Variants in HSF2BP observed in about 807,000 individuals in gnomAD.
HSF2BP encodes the protein heat shock factor 2-binding protein.
Under a neutral mutation model 35.0 loss-of-function variants are expected in HSF2BP, and 35 were observed. The ratio of observed to expected loss-of-function variants is 1.00; its 90% CI spans 0.76 to 1.32. HSF2BP has a LOEUF of 1.32. Ranked by LOEUF, HSF2BP falls within the 40% of genes most tolerant of loss-of-function variation. The pLI, the probability that HSF2BP is intolerant of heterozygous loss-of-function variation, is 0.00. For missense variants in HSF2BP, 326 were observed against 321.7 expected (o/e 1.01, Z -0.10); for synonymous variants, 114 against 117.4 (o/e 0.97, Z 0.18).
At chr21:43,647,855 G>A (rs1004659995) in intron 3 of HSF2BP, among the ~76,000 whole-genome samples, 2 of 151,316 alleles carry the variant, frequency 1.3e-5, no homozygotes. Flanking sequence ...CTTGAACCTG[G>A]GAGGCGGAAG....
intron 7 of HSF2BP, among the ~76,000 whole-genome samples, chr21:43,610,298 T>C (rs1414807570): frequency 6.6e-6 from 1 of 151,900 alleles, no homozygotes; most frequent in African/African-American, 2.4e-5. Context: ...ATGATAAAAA[T>C]ACTCTTTAAG....
chr21:43,629,819 T>C (rs534469941), intron 6 of HSF2BP, among the ~76,000 whole-genome samples: 4 of 152,352 alleles, frequency 2.6e-5, no homozygotes, highest in East Asian at 1.9e-4. Flanking sequence ...ATAAACTTAG[T>C]TGACAAAGCA....
intron 4 of HSF2BP, among the ~76,000 whole-genome samples, chr21:43,635,928 CAA>C (rs33999944): frequency 1.5e-3 from 106 of 71,094 alleles, no homozygotes; most frequent in Admixed American, 3.9e-3. Flanking sequence ...GACTCCATCT[CAA>C]AAAAAAAAAA....
intron 8 of HSF2BP, among the ~76,000 whole-genome samples, chr21:43,572,882 A>G (rs982980167): frequency 1.3e-5 from 2 of 152,202 alleles, no homozygotes; most frequent in African/African-American, 2.4e-5. Context: ...AAACTTTTGG[A>G]TTACACCCAA....
intron 8 of HSF2BP, among the ~76,000 whole-genome samples, chr21:43,582,220 G>T (rs1188722942): frequency 7.7e-6 from 1 of 129,270 alleles, no homozygotes; most frequent in Non-Finnish European, 1.6e-5. Flanking sequence ...GGGGATGAGG[G>T]CCTGCTGTGG....
In HSF2BP at chr21:43,592,445, G is replaced by T. The variant is rs531904020; in HGVS notation, c.693-117C>A. On this transcript the variant is annotated intron_variant, in intron 7 of 8. Transcript: ENST00000291560. ...TTAGAGCTTCCCTCACATTTTAGAT[G>T]TCCAATTCTATAATGTGAATTAATA... The T allele has an allele frequency of 1.7e-4, 109 of 648,066 alleles. No homozygotes were observed. The African/African-American group carries it at 1.8e-3, about 11-fold the overall frequency. 40.1% of individuals were successfully genotyped at this position (648,066 alleles called of 1,614,324 possible).
intron 8 of HSF2BP, among the ~76,000 whole-genome samples, chr21:43,578,422 G>A (rs1033287697): frequency 6.6e-6 from 1 of 151,892 alleles, no homozygotes; most frequent in Non-Finnish European, 1.5e-5. Context: ...TGAGTCATAT[G>A]ATCCACGAAA....
intron 7 of HSF2BP, among the ~76,000 whole-genome samples, chr21:43,599,482 C>A (rs1163728044): frequency 6.6e-6 from 1 of 152,204 alleles, no homozygotes; most frequent in Non-Finnish European, 1.5e-5. Context: ...TTTTACTCTT[C>A]TAGTATTGAA....
At chr21:43,592,893 G>A (rs2146791272) in intron 7 of HSF2BP, among the ~76,000 whole-genome samples, 1 of 152,290 alleles carries the variant, frequency 6.6e-6, no homozygotes, top group South Asian at 2.1e-4. Context: ...TTGAACCGTG[G>A]CTGGCAATGC....
At position 43,592,324 on chromosome 21, in the gene HSF2BP, T is replaced by G. The variant is rs148063865; in HGVS notation, c.697A>C (p.Met233Leu). ...CTTACATTGTATAGGGACATCAGCA[T>G]TAGCCTGAAATGTAAAAGAAAAAGG... The part of the protein sequence containing the change: ...PGQCTKLKVL[M>L]LMSLYNVSIN... The change falls in exon 8 of 9, where the codon ATG becomes CTG. Residue 233 changes from methionine (M) to leucine (L), a missense_variant. By Grantham distance (15) the Met-to-Leu change is conservative. Coordinates refer to ENST00000291560, the MANE Select transcript of HSF2BP (RefSeq NM_007031.2). The G allele has an allele frequency of 6.2e-7, 1 of 1,607,556 alleles. No individual in the cohort carries two copies. The highest frequency in any genetic ancestry group is 2.2e-5 in the East Asian group (1 of 44,854).
chr21:43,617,444 C>CT (rs2082284503), intron 6 of HSF2BP, among the ~76,000 whole-genome samples: 1 of 150,588 alleles, frequency 6.6e-6, no homozygotes, highest in Admixed American at 6.7e-5. Flanking sequence ...GTTGGAATTT[C>CT]TTTGTTTTAC....
intron 8 of HSF2BP, among the ~76,000 whole-genome samples, chr21:43,584,872 G>A (rs2146742437): frequency 6.6e-6 from 1 of 152,250 alleles, no homozygotes; most frequent in East Asian, 1.9e-4. Flanking sequence ...CACACCCTGG[G>A]AGCCATGGAA....
chr21:43,643,113 C>T (rs372298816), intron 4 of HSF2BP, among the ~76,000 whole-genome samples: 3 of 152,058 alleles, frequency 2.0e-5, no homozygotes, highest in African/African-American at 7.2e-5. Context: ...AGTTATGCCA[C>T]ACAAAAAGTT....
At chr21:43,575,460 A>G (rs182061864) in intron 8 of HSF2BP, among the ~76,000 whole-genome samples, 2 of 152,336 alleles carry the variant, frequency 1.3e-5, no homozygotes, top group Admixed American at 6.5e-5. Flanking sequence ...GCTGATACCT[A>G]ACACTGTGGG....
intron 8 of HSF2BP, 49 bp downstream of exon 8, chr21:43,592,176 C>G (rs1298117901): frequency 1.6e-6 from 2 of 1,247,866 alleles, no homozygotes; most frequent in Non-Finnish European, 2.4e-6. Flanking sequence ...TAAGGGAGGA[C>G]TACTGCATAA....
intron 7 of HSF2BP, among the ~76,000 whole-genome samples, chr21:43,598,351 T>C (rs2082010745): frequency 6.6e-6 from 1 of 151,186 alleles, no homozygotes; most frequent in African/African-American, 2.4e-5. Flanking sequence ...ACTACAGGCG[T>C]GCACCACCAC....
intron 4 of HSF2BP, among the ~76,000 whole-genome samples, chr21:43,634,691 G>A (rs1323235042): frequency 6.6e-6 from 1 of 152,178 alleles, no homozygotes; most frequent in Non-Finnish European, 1.5e-5. Flanking sequence ...ATACGTATAT[G>A]CACACATGTA....
At chr21:43,639,744 A>T (rs1427536458) in intron 4 of HSF2BP, among the ~76,000 whole-genome samples, 1 of 152,206 alleles carries the variant, frequency 6.6e-6, no homozygotes, top group Non-Finnish European at 1.5e-5. Flanking sequence ...CCAAAACTAA[A>T]TGTGCACTTA....
intron 7 of HSF2BP, among the ~76,000 whole-genome samples, chr21:43,610,627 T>G (rs894034678): frequency 6.6e-6 from 1 of 151,916 alleles, no homozygotes; most frequent in Non-Finnish European, 1.5e-5. Context: ...CCCCGGCACC[T>G]CTCTCTCCAT....
Sources: allele counts gnomAD v4.1 joint callset (sites outside exome capture counted in the v4.1 genomes callset), GRCh38; gene constraint gnomAD v4.1.1; transcripts MANE v1.5; gene names NCBI Gene and HGNC (gene_info 2026-07-23, HGNC 2026-07-21).